Variants in DENND5A observed in about 807,000 individuals in gnomAD.
The protein encoded by DENND5A is DENN domain-containing protein 5A.
In DENND5A, 64 loss-of-function variants were observed where a neutral mutation model predicts 140.3. The observed-to-expected ratio is 0.46, with a 90% CI of 0.37 to 0.56. DENND5A has a LOEUF of 0.56. Ranked by LOEUF, DENND5A falls within the 20% of genes least tolerant of loss-of-function variation. DENND5A has a pLI of 0.00. For synonymous variants in DENND5A, 605 were observed against 607.7 expected (o/e 1.00, Z 0.07); for missense variants, 1,292 against 1,593.8 (o/e 0.81, Z 3.22).
intron 11 of DENND5A, among the ~76,000 whole-genome samples, chr11:9,163,877 T>C (rs1285868070): frequency 1.3e-5 from 2 of 148,964 alleles, no homozygotes; most frequent in Non-Finnish European, 3.0e-5. Context: ...ATCACCAATG[T>C]TCTTCATAGT....
chr11:9,239,609 G>T (rs1191277672), intron 1 of DENND5A, among the ~76,000 whole-genome samples: 1 of 152,098 alleles, frequency 6.6e-6, no homozygotes, highest in Non-Finnish European at 1.5e-5. Flanking sequence ...TGAGACTACA[G>T]GCATGCACCA....
intron 5 of DENND5A, among the ~76,000 whole-genome samples, chr11:9,189,485 G>A (rs1041329771): frequency 1.1e-4 from 16 of 152,136 alleles, no homozygotes; most frequent in African/African-American, 3.4e-4. Flanking sequence ...TGCACTGTGT[G>A]CCTGGAAAAG....
At chr11:9,147,626 G>A (rs1345565260) in intron 15 of DENND5A, among the ~76,000 whole-genome samples, 2 of 152,170 alleles carry the variant, frequency 1.3e-5, no homozygotes, top group Non-Finnish European at 2.9e-5. Flanking sequence ...TCTGAATGGG[G>A]GTATAAGCCT....
intron 16 of DENND5A, 130 bp downstream of exon 16, chr11:9,146,900 C>A: frequency 9.0e-7 from 1 of 1,107,930 alleles, no homozygotes; most frequent in Admixed American, 2.2e-5. Flanking sequence ...TCTCTCCCCA[C>A]AGAGGCAAAA....
chr11:9,261,457 C>A (rs190942332), intron 1 of DENND5A, among the ~76,000 whole-genome samples: 1 of 152,176 alleles, frequency 6.6e-6, no homozygotes, highest in East Asian at 1.9e-4. Context: ...CAGGAAGAAC[C>A]TGCTATTTGT....
chr11:9,234,251 C>A (rs868551430), intron 1 of DENND5A, among the ~76,000 whole-genome samples: 8 of 151,044 alleles, frequency 5.3e-5, no homozygotes, highest in African/African-American at 1.9e-4. Flanking sequence ...CTGTAGCAAA[C>A]TCACCAGCTT....
intron 1 of DENND5A, among the ~76,000 whole-genome samples, chr11:9,238,091 T>G (rs1350690134): frequency 6.6e-6 from 1 of 152,228 alleles, no homozygotes; most frequent in Non-Finnish European, 1.5e-5. Flanking sequence ...TACAACATGT[T>G]AATTTGATAT....
intron 12 of DENND5A, among the ~76,000 whole-genome samples, chr11:9,160,264 T>C (rs1433684095): frequency 1.3e-5 from 2 of 152,242 alleles, no homozygotes; most frequent in Non-Finnish European, 2.9e-5. Flanking sequence ...TTACTCAACT[T>C]CCTGAGGCCT....
At chr11:9,199,859 A>G (rs1249195220) in intron 4 of DENND5A, among the ~76,000 whole-genome samples, 2 of 152,222 alleles carry the variant, frequency 1.3e-5, no homozygotes, top group Non-Finnish European at 2.9e-5. Flanking sequence ...AAACCAACCT[A>G]AATTGTTTAA....
chr11:9,207,635 A>G lies in DENND5A; in HGVS notation c.110-3T>C. The G allele has an allele frequency of 6.2e-7, 1 of 1,601,098 alleles. No individual in the cohort carries two copies. Among genetic ancestry groups the G allele is most frequent in the Non-Finnish European group, 8.6e-7 (1 of 1,168,506 alleles). On this transcript the variant is annotated splice_region_variant and splice_polypyrimidine_tract_variant and intron_variant, in intron 1 of 22. Transcript: ENST00000328194. ...AGCCTGTATGTACTGGCATAATGCT[A>G]TATGATAAATGAAATAACAGAGTAT...
chr11:9,180,869 G>C lies in DENND5A; in HGVS notation c.1353C>G (p.Asn451Lys). Residue 451 changes from asparagine to lysine, a missense_variant, in exon 6 of 23, where the codon AAC becomes AAG. Coordinates refer to ENST00000328194, the MANE Select transcript of DENND5A (RefSeq NM_015213.4). ...SELVSDKRNG[N>K]IAGSPLHSYE... is the part of the protein sequence containing the mutation. Reference sequence around the variant, plus strand: ...AGGAATGCAAAGGGGAGCCAGCAATGTTCCCATTCCTCTTGTCCGAGACAA... The same window carrying C: ...AGGAATGCAAAGGGGAGCCAGCAATCTTCCCATTCCTCTTGTCCGAGACAA... The C allele has an allele frequency of 6.2e-7, 1 of 1,614,192 alleles. No homozygotes were observed. The highest frequency in any genetic ancestry group is 8.5e-7 in the Non-Finnish European group (1 of 1,180,028).
Position 9,260,418 on chromosome 11 carries a change from G to C in DENND5A, c.109+4543C>G, listed in dbSNP as rs1852146583. Among the ~76,000 whole-genome samples the C allele has an allele frequency of 2.0e-5, 3 of 152,222 alleles. No homozygotes were observed. The South Asian group carries it at 6.2e-4, about 32-fold the overall frequency. On this transcript the variant is annotated intron_variant, in intron 1 of 22. Transcript: ENST00000328194. ...AACAAAGAAAAAGAAGATTCACCAG[G>C]ACATTCGCCCATCAGAGGTAGAAAA...
At chr11:9,190,025 C>T (rs1849061281) in intron 5 of DENND5A, among the ~76,000 whole-genome samples, 1 of 152,210 alleles carries the variant, frequency 6.6e-6, no homozygotes, top group Non-Finnish European at 1.5e-5. Context: ...GATTTGACTG[C>T]CCCGCTGGAT....
At chr11:9,257,937 T>A (rs914591226) in intron 1 of DENND5A, among the ~76,000 whole-genome samples, 3 of 151,784 alleles carry the variant, frequency 2.0e-5, no homozygotes, top group Non-Finnish European at 4.4e-5. Context: ...GGATTATAGG[T>A]GTGTGCCACC....
intron 1 of DENND5A, among the ~76,000 whole-genome samples, chr11:9,235,053 C>T (rs1378913012): frequency 6.6e-6 from 1 of 152,100 alleles, no homozygotes; most frequent in Non-Finnish European, 1.5e-5. Context: ...TAAAATGATG[C>T]ACTGCTGTGA....
intron 5 of DENND5A, among the ~76,000 whole-genome samples, chr11:9,189,818 T>C (rs1483212040): frequency 6.6e-6 from 1 of 152,172 alleles, no homozygotes; most frequent in Non-Finnish European, 1.5e-5. Flanking sequence ...TTTTGTGTTT[T>C]AAGTAGAGAT....
intron 1 of DENND5A, among the ~76,000 whole-genome samples, chr11:9,244,767 T>G (rs2136279393): frequency 6.6e-6 from 1 of 152,218 alleles, no homozygotes. Context: ...CCCCACTTCC[T>G]GGGCTCAAGC....
intron 15 of DENND5A, among the ~76,000 whole-genome samples, chr11:9,147,399 A>G (rs1010476435): frequency 1.3e-5 from 2 of 152,226 alleles, no homozygotes; most frequent in Non-Finnish European, 2.9e-5. Flanking sequence ...TGTTACTATA[A>G]TATCAAGTGT....
intron 5 of DENND5A, among the ~76,000 whole-genome samples, chr11:9,187,283 C>T (rs1253096316): frequency 6.6e-6 from 1 of 152,084 alleles, no homozygotes; most frequent in Non-Finnish European, 1.5e-5. Flanking sequence ...CCTCAGCTGA[C>T]GAGGGGTTAC....
Sources: gnomAD v4.1 joint callset for allele counts (sites outside exome capture counted in the v4.1 genomes callset) on GRCh38, gnomAD v4.1.1 for gene constraint, MANE v1.5 for transcripts, NCBI Gene and HGNC (gene_info 2026-07-23, HGNC 2026-07-21) for gene names.